Variants in ARHGEF10 observed in about 807,000 individuals in gnomAD.
ARHGEF10 encodes Rho guanine nucleotide exchange factor (GEF) 10.
Under a neutral mutation model 147.4 loss-of-function variants are expected in ARHGEF10, and 140 were observed. The observed-to-expected ratio is 0.95, with a 90% confidence interval of 0.83 to 1.09. The LOEUF is 1.09. ARHGEF10 is among the 50% of genes least tolerant of loss of function. The pLI, the probability that ARHGEF10 is intolerant of heterozygous loss-of-function variation, is 0.00. For missense variants in ARHGEF10, 2,222 were observed against 1,752.7 expected (o/e 1.27, Z -4.78); for synonymous variants, 902 against 695.8 (o/e 1.30, Z -4.67).
At chr8:1,946,739 T>A (rs1211121202) in intron 27 of ARHGEF10, among the ~76,000 whole-genome samples, 1 of 152,108 alleles carries the variant, frequency 6.6e-6, no homozygotes, top group South Asian at 2.1e-4. Context: ...CCACAATGAT[T>A]AGGGGTCTGG....
chr8:1,852,526 G>C (rs947885456), intron 2 of ARHGEF10, among the ~76,000 whole-genome samples: 2 of 151,714 alleles, frequency 1.3e-5, no homozygotes, highest in Non-Finnish European at 2.9e-5. Flanking sequence ...GGGCCCTCTA[G>C]AACCTCTCCA....
intron 15 of ARHGEF10, among the ~76,000 whole-genome samples, chr8:1,899,049 C>T (rs1810248596): frequency 6.6e-6 from 1 of 152,226 alleles, no homozygotes; most frequent in Non-Finnish European, 1.5e-5. Context: ...ATGGTGAAAA[C>T]ACTGTCCACT....
intron 1 of ARHGEF10, among the ~76,000 whole-genome samples, chr8:1,834,896 C>T (rs558345275): frequency 1.8e-4 from 27 of 152,364 alleles, no homozygotes; most frequent in African/African-American, 3.6e-4. Flanking sequence ...CCTTGGACAC[C>T]GGCCACCCAG....
At chr8:1,835,751 G>C (rs1278445088) in intron 1 of ARHGEF10, among the ~76,000 whole-genome samples, 1 of 152,180 alleles carries the variant, frequency 6.6e-6, no homozygotes, top group Non-Finnish European at 1.5e-5. Flanking sequence ...ACAGCGTCAG[G>C]GAGCGCAGTG....
chr8:1,857,982 C>G lies in ARHGEF10; in HGVS notation c.60C>G (p.Thr20=). The change falls in exon 3 of 29, where the codon ACC becomes ACG. Residue 20 remains threonine, a synonymous_variant. Transcript: ENST00000349830. The stretch of plus-strand genomic sequence containing the variant: ...TAGAAAATGAAATGAAATATGATAC[C>G]AATAATAATGAAGAGGAAGAGGGAG... ...APAENEMKYD[T]NNNEEEEGEQ... 2 of 1,613,652 alleles carry G rather than the reference C, an allele frequency of 1.2e-6. No individual in the cohort carries two copies. The highest frequency in any genetic ancestry group is 1.7e-4 in the Middle Eastern group (1 of 6,058).
chr8:1,846,914 G>A (rs1300994155), intron 2 of ARHGEF10, among the ~76,000 whole-genome samples: 4 of 152,122 alleles, frequency 2.6e-5, no homozygotes, highest in Non-Finnish European at 4.4e-5. Context: ...TTTATACCGC[G>A]TTAACATTTG....
intron 6 of ARHGEF10, among the ~76,000 whole-genome samples, chr8:1,868,070 T>C (rs1271002931): frequency 2.6e-5 from 4 of 152,226 alleles, no homozygotes; most frequent in Non-Finnish European, 4.4e-5. Flanking sequence ...GGAATAACTA[T>C]ATTTGGAAAT....
chr8:1,867,186 C>T (rs1261548315), intron 6 of ARHGEF10, among the ~76,000 whole-genome samples: 1 of 152,136 alleles, frequency 6.6e-6, no homozygotes, highest in African/African-American at 2.4e-5. Flanking sequence ...TTATTTGTAA[C>T]TTAAAAATAA....
At chr8:1,861,306 C>T (rs571578113) in intron 4 of ARHGEF10, among the ~76,000 whole-genome samples, 31 of 152,344 alleles carry the variant, frequency 2.0e-4, no homozygotes, top group East Asian at 7.7e-4. Flanking sequence ...GGAAGGACAG[C>T]GTGCAGTCCG....
In ARHGEF10 at chr8:1,935,426, C is replaced by A. The variant is rs867866521; in HGVS notation, c.3222+1484C>A. On this transcript the variant is annotated intron_variant, in intron 26 of 28. Transcript: ENST00000349830. ...GCATCGCGCAGAGTGGGTTCACTGC[C>A]CTGGAAATCCTCTGCTCTCTGTTCA... Among the ~76,000 whole-genome samples the A allele has an allele frequency of 8.5e-5, 13 of 152,306 alleles. No homozygotes were observed. In the Middle Eastern group the frequency reaches 0.01, roughly 120 times the overall value.
chr8:1,845,370 G>T (rs2129053614), intron 2 of ARHGEF10, among the ~76,000 whole-genome samples: 1 of 152,304 alleles, frequency 6.6e-6, no homozygotes, highest in Middle Eastern at 3.4e-3. Context: ...TCTGTTTGAA[G>T]GGGTGAGCAC....
chr8:1,919,080 GGGGTGATGGAGCTCTTCCGT>G (rs1563284081), intron 18 of ARHGEF10, among the ~76,000 whole-genome samples: 2 of 148,614 alleles, frequency 1.3e-5, no homozygotes, highest in African/African-American at 5.0e-5. Context: ...AGCTGTTCCA[GGGGTGATGGAGCTCTTCCGT>G]GGGTGATGGA....
intron 11 of ARHGEF10, among the ~76,000 whole-genome samples, chr8:1,888,205 TAG>T (rs1808921776): frequency 1.2e-4 from 3 of 24,648 alleles, no homozygotes; most frequent in African/African-American, 9.5e-4. Flanking sequence ...AGGAGACACT[TAG>T]TGGGGCGAGG....
intron 1 of ARHGEF10, among the ~76,000 whole-genome samples, chr8:1,835,960 T>C (rs1439793417): frequency 6.6e-6 from 1 of 152,070 alleles, no homozygotes; most frequent in African/African-American, 2.4e-5. Context: ...GGCGGGCAGA[T>C]CACGAGCTCA....
At chr8:1,873,906 G>C (rs1018021187) in intron 7 of ARHGEF10, among the ~76,000 whole-genome samples, 1 of 151,752 alleles carries the variant, frequency 6.6e-6, no homozygotes, top group African/African-American at 2.4e-5. Context: ...TATTCCTTTC[G>C]GTCAGTTCAG....
At chr8:1,956,612 C>T (rs1286168596) in intron 28 of ARHGEF10, 137 bp from the exon 29 acceptor site, 2 of 820,924 alleles carry the variant, frequency 2.4e-6, no homozygotes, top group African/African-American at 3.4e-5. Context: ...GCTTATTATT[C>T]ATGTATGCAA....
rs749562240 is a variant in ARHGEF10 at position 1,929,429 on chromosome 8, A to T, written c.3065A>T (p.Tyr1022Phe). 13 of 1,608,796 alleles carry T rather than the reference A, an allele frequency of 8.1e-6. No individual in the cohort carries two copies. Among genetic ancestry groups the T allele is most frequent in the Non-Finnish European group, 1.0e-5 (12 of 1,177,564 alleles). ...CTGGTCAACGGGGCAGTCGCCAGCT[A>T]CGCCAGAGCCCCAGGTGAGGCGGGT... ...AGLVNGAVAS[Y>F]ARAPDGSWDS... The change falls in exon 25 of 29, where the codon TAC (tyrosine) becomes TTC (phenylalanine). Residue 1022 changes from tyrosine to phenylalanine, a missense_variant. Transcript: ENST00000349830.
chr8:1,839,880 A>C (rs866267262), intron 1 of ARHGEF10, among the ~76,000 whole-genome samples: 68 of 71,868 alleles, frequency 9.5e-4, no homozygotes, highest in Middle Eastern at 0.014. Context: ...CTGGTGTGGA[A>C]ACTGTCTGGT....
chr8:1,850,063 C>T (rs1303696905), intron 2 of ARHGEF10, among the ~76,000 whole-genome samples: 16 of 105,766 alleles, frequency 1.5e-4, no homozygotes, highest in Admixed American at 1.8e-4. Context: ...GGGCGTGGGC[C>T]GGCTGCGTGG....
Sources: gnomAD v4.1 joint callset for allele counts (sites outside exome capture counted in the v4.1 genomes callset) on GRCh38, gnomAD v4.1.1 for gene constraint, MANE v1.5 for transcripts, NCBI Gene and HGNC (gene_info 2026-07-23, HGNC 2026-07-21) for gene names.